The following PPM1H variants were observed in gnomAD, a reference collection of about 807,000 sequenced individuals.
PPM1H encodes the protein protein phosphatase, Mg2+/Mn2+ dependent 1H, also known as protein phosphatase 1H.
In PPM1H, 27 loss-of-function variants were observed where a neutral mutation model predicts 54.9. The ratio of observed to expected loss-of-function variants is 0.49; its 90% CI spans 0.36 to 0.68. PPM1H has a LOEUF of 0.68. Among genes scored for constraint, PPM1H ranks in the 30% least tolerant of loss-of-function variants. The pLI, the probability that PPM1H is intolerant of heterozygous loss-of-function variation, is 0.00. For missense variants in PPM1H, 596 were observed against 667.8 expected (o/e 0.89, Z 1.19); for synonymous variants, 305 against 270.8 (o/e 1.13, Z -1.24).
In PPM1H at chr12:62,659,177, CA is replaced by C. The variant is rs987084943; in HGVS notation, c.1397+8000del. ...TGGAAAGAGCTGCCCAGCTGGCCATCAGAGTCACCAACCCCAATGCCAGGCT... is the reference window on the plus strand; with the variant it reads ...TGGAAAGAGCTGCCCAGCTGGCCATCGAGTCACCAACCCCAATGCCAGGCT... On this transcript the variant is annotated intron_variant, in intron 9 of 9. Transcript: ENST00000228705. 5 of 694,476 alleles carry C rather than the reference CA, an allele frequency of 7.2e-6. No individual in the cohort carries two copies. In the African/African-American group the frequency reaches 9.1e-5, roughly 13 times the overall value. 43.0% of individuals were successfully genotyped at this position (694,476 alleles called of 1,614,324 possible).
rs182724522 is a variant in PPM1H at position 62,820,894 on chromosome 12, C to T, written c.411+11220G>A. On this transcript the variant is annotated intron_variant, in intron 2 of 9. Transcript: ENST00000228705. ...AAGGATCACAGCTCCTCTCCAGCAA[C>T]GGAACAAAGCTGGATGGAGAATGAC... 4.5e-4 allele frequency among the ~76,000 whole-genome samples: 69 copies of T among 152,264 alleles called. 1 individual carries two copies. Among genetic ancestry groups the T allele is most frequent in the South Asian group, 2.1e-4 (1 of 4,824 alleles).
chr12:62,827,932 C>T (rs557737449), intron 2 of PPM1H, among the ~76,000 whole-genome samples: 8 of 152,256 alleles, frequency 5.3e-5, no homozygotes, highest in East Asian at 1.9e-4. Flanking sequence ...TCTCCCCAAT[C>T]GACTCAGCAT....
At chr12:62,730,509 CAG>C (rs1166015986) in intron 5 of PPM1H, among the ~76,000 whole-genome samples, 1 of 152,168 alleles carries the variant, frequency 6.6e-6, no homozygotes, top group Non-Finnish European at 1.5e-5. Flanking sequence ...GATTCCACGA[CAG>C]AAAATCTTTT....
chr12:62,886,971 G>A lies in PPM1H; in HGVS notation c.245+47521C>T, dbSNP rs553651904. ...GGAAGACCAGCCTGCCTACCTAAAA[G>A]TGGCTATCTAAGCCAGAAATGAGGA... On this transcript the variant is annotated intron_variant, in intron 1 of 9. Transcript: ENST00000228705. Among the ~76,000 whole-genome samples, 6 of 152,332 alleles carry A rather than the reference G, an allele frequency of 3.9e-5. No individual in the cohort carries two copies. In the East Asian group the frequency reaches 1.2e-3, roughly 29 times the overall value.
chr12:62,690,173 GATCCATCCATCCATCC>G (rs747377788), intron 7 of PPM1H, among the ~76,000 whole-genome samples: 3 of 151,778 alleles, frequency 2.0e-5, no homozygotes, highest in South Asian at 2.1e-4. Flanking sequence ...AGGATTGATC[GATCCATCCATCCATCC>G]ATCCATCCAT....
chr12:62,689,107 G>T (rs2076070058), intron 8 of PPM1H, among the ~76,000 whole-genome samples: 1 of 152,138 alleles, frequency 6.6e-6, no homozygotes, highest in Non-Finnish European at 1.5e-5. Flanking sequence ...CTTCTGGTTG[G>T]GCAAGGAAGA....
At chr12:62,667,462 G>T in intron 8 of PPM1H, 133 bp from the exon 9 acceptor site, 1 of 787,988 alleles carries the variant, frequency 1.3e-6, no homozygotes, top group Non-Finnish European at 1.9e-6. Flanking sequence ...TAGGGTACTT[G>T]ATTATACAGC....
At chr12:62,912,657 C>T (rs1316329852) in intron 1 of PPM1H, among the ~76,000 whole-genome samples, 3 of 151,892 alleles carry the variant, frequency 2.0e-5, no homozygotes, top group African/African-American at 2.4e-5. Context: ...TTTTGTTTTT[C>T]AAAGCTAATA....
intron 3 of PPM1H, among the ~76,000 whole-genome samples, chr12:62,791,206 C>A (rs906229552): frequency 7.2e-5 from 11 of 152,122 alleles, no homozygotes; most frequent in Non-Finnish European, 5.9e-5. Flanking sequence ...GAAACCCATG[C>A]TTCAATTAAA....
intron 4 of PPM1H, among the ~76,000 whole-genome samples, chr12:62,754,630 AG>A (rs2076460107): frequency 1.3e-5 from 2 of 152,224 alleles, no homozygotes; most frequent in African/African-American, 4.8e-5. Context: ...AGAAAGCAGC[AG>A]TCACTGGTGG....
chr12:62,868,349 C>G (rs995537899), intron 1 of PPM1H, among the ~76,000 whole-genome samples: 2 of 151,376 alleles, frequency 1.3e-5, no homozygotes, highest in East Asian at 3.9e-4. Flanking sequence ...AGCTGGAGCC[C>G]GCTTCCTGCT....
intron 2 of PPM1H, among the ~76,000 whole-genome samples, chr12:62,821,724 T>A (rs879097960): frequency 6.6e-6 from 1 of 152,158 alleles, no homozygotes; most frequent in African/African-American, 2.4e-5. Context: ...GAGATTTTGT[T>A]ACCACCAGGC....
chr12:62,894,226 G>A (rs1435927370), intron 1 of PPM1H, among the ~76,000 whole-genome samples: 3 of 152,118 alleles, frequency 2.0e-5, no homozygotes, highest in Non-Finnish European at 4.4e-5. Context: ...AATAGATGAC[G>A]GGAATAACTT....
At position 62,694,147 on chromosome 12, in the gene PPM1H, C is replaced by T. The variant is rs1469623554; in HGVS notation, c.1074-148G>A. 4.4e-6 allele frequency: 3 copies of T among 683,280 alleles called. No homozygotes were observed. The African/African-American group carries it at 5.4e-5, about 12-fold the overall frequency. The allele number at this position is 683,280 out of a possible 1,614,324, so 42.3% of individuals were successfully genotyped here. A position where few individuals can be genotyped will look rare whatever the true frequency, so the allele number is the denominator to read the frequency against. On this transcript the variant is annotated intron_variant, in intron 6 of 9. Transcript: ENST00000228705. Reference sequence around the variant, plus strand: ...TCTTCCTTTATAGGGAGTTGTTCTCCCTACAGAATTGTGTGTGTGTGTCTT... The same window carrying T: ...TCTTCCTTTATAGGGAGTTGTTCTCTCTACAGAATTGTGTGTGTGTGTCTT...
At chr12:62,770,603 G>T (rs1057067158) in intron 4 of PPM1H, among the ~76,000 whole-genome samples, 3 of 151,980 alleles carry the variant, frequency 2.0e-5, no homozygotes, top group African/African-American at 7.3e-5. Context: ...CCATTTGGAA[G>T]GACCATGTGT....
chr12:62,817,083 C>A (rs1476204869), intron 2 of PPM1H, among the ~76,000 whole-genome samples: 1 of 48,394 alleles, frequency 2.1e-5, no homozygotes, highest in African/African-American at 6.8e-5. Context: ...GTCCCTAGAA[C>A]TAAAAGAGTT....
chr12:62,695,581 T>A (rs567303694), intron 6 of PPM1H, among the ~76,000 whole-genome samples: 1 of 152,314 alleles, frequency 6.6e-6, no homozygotes, highest in African/African-American at 2.4e-5. Flanking sequence ...ACCACTTTGA[T>A]GTTTTTACAT....
intron 1 of PPM1H, among the ~76,000 whole-genome samples, chr12:62,887,818 A>T (rs1260009330): frequency 6.6e-6 from 1 of 152,212 alleles, no homozygotes; most frequent in Non-Finnish European, 1.5e-5. Flanking sequence ...GGAGGTACCC[A>T]CTGGCAAAGG....
intron 1 of PPM1H, among the ~76,000 whole-genome samples, chr12:62,927,509 AAAATTAC>A (rs2121183395): frequency 1.3e-5 from 2 of 151,970 alleles, no homozygotes; most frequent in South Asian, 4.2e-4. Context: ...AAAATACAAA[AAAATTAC>A]CTGGGTGTGG....
Sources: allele counts gnomAD v4.1 joint callset (sites outside exome capture counted in the v4.1 genomes callset), GRCh38; gene constraint gnomAD v4.1.1; transcripts MANE v1.5; gene names NCBI Gene and HGNC (gene_info 2026-07-23, HGNC 2026-07-21).